UBE2E2: variants seen among roughly 807,000 people sequenced by gnomAD.
The protein encoded by UBE2E2 is ubiquitin conjugating enzyme E2 E2.
UBE2E2 carries 6 observed loss-of-function variants against 24.7 expected under a neutral mutation model. The observed-to-expected ratio is 0.24, with a 90% CI of 0.13 to 0.48. UBE2E2 has a LOEUF of 0.48. UBE2E2 is among the 20% of genes least tolerant of loss of function. The pLI, the probability that UBE2E2 is intolerant of heterozygous loss-of-function variation, is 0.99. For missense variants in UBE2E2, 169 were observed against 245.0 expected (o/e 0.69, Z 2.07); for synonymous variants, 104 against 83.6 (o/e 1.24, Z -1.33).
intron 3 of UBE2E2, among the ~76,000 whole-genome samples, chr3:23,220,265 G>T (rs1396714523): frequency 1.3e-5 from 2 of 152,092 alleles, no homozygotes; most frequent in Non-Finnish European, 2.9e-5. Flanking sequence ...TCATGTAGGA[G>T]ATATTTGCCT....
chr3:23,429,392 A>T (rs1358079240), intron 3 of UBE2E2, among the ~76,000 whole-genome samples: 1 of 152,238 alleles, frequency 6.6e-6, no homozygotes, highest in African/African-American at 2.4e-5. Context: ...TTAACAAAAT[A>T]CTAGCAAATG....
intron 3 of UBE2E2, among the ~76,000 whole-genome samples, chr3:23,278,019 T>A (rs939264973): frequency 3.3e-5 from 5 of 152,108 alleles, no homozygotes; most frequent in African/African-American, 1.2e-4. Context: ...AAGTGAATAG[T>A]CAAATATCCA....
chr3:23,406,078 G>A (rs1697351009), intron 3 of UBE2E2, among the ~76,000 whole-genome samples: 1 of 152,234 alleles, frequency 6.6e-6, no homozygotes, highest in South Asian at 2.1e-4. Flanking sequence ...AATAGCCTGA[G>A]TATAAAACTG....
At chr3:23,269,453 A>G (rs1455590362) in intron 3 of UBE2E2, among the ~76,000 whole-genome samples, 2 of 152,224 alleles carry the variant, frequency 1.3e-5, no homozygotes, top group South Asian at 4.1e-4. Flanking sequence ...ATTGAAATAA[A>G]GAAATGTAGA....
chr3:23,571,652 A>G (rs753372665), intron 5 of UBE2E2, among the ~76,000 whole-genome samples: 6 of 151,888 alleles, frequency 4.0e-5, no homozygotes, highest in Admixed American at 1.3e-4. Context: ...TTTTTTTGCC[A>G]CTTCCTCTCT....
At chr3:23,591,925 C>T (rs926731360), downstream of UBE2E2, 2 of 152,062 alleles carry the variant, frequency 1.3e-5, no homozygotes, top group Admixed American at 1.3e-4. Context: ...TATTAAACTG[C>T]TTTTTTCCCC....
intron 3 of UBE2E2, among the ~76,000 whole-genome samples, chr3:23,470,553 A>G (rs1403407402): frequency 6.6e-6 from 1 of 152,228 alleles, no homozygotes; most frequent in Non-Finnish European, 1.5e-5. Flanking sequence ...ACAAAGAGGA[A>G]AAATCTAATT....
At chr3:23,223,090 G>A in intron 3 of UBE2E2, among the ~76,000 whole-genome samples, 1 of 131,730 alleles carries the variant, frequency 7.6e-6, no homozygotes, top group East Asian at 2.2e-4. Flanking sequence ...CGTGATCTCT[G>A]CTCACTGTAA....
chr3:23,446,358 G>C (rs1416719596), intron 3 of UBE2E2, among the ~76,000 whole-genome samples: 1 of 152,152 alleles, frequency 6.6e-6, no homozygotes, highest in African/African-American at 2.4e-5. Flanking sequence ...TGAAATGTCT[G>C]CTATGTGTAT....
chr3:23,277,062 G>T (rs1698389498), intron 3 of UBE2E2, among the ~76,000 whole-genome samples: 1 of 152,152 alleles, frequency 6.6e-6, no homozygotes, highest in Non-Finnish European at 1.5e-5. Flanking sequence ...ACCATATCAT[G>T]TATGCGTTCT....
intron 5 of UBE2E2, among the ~76,000 whole-genome samples, chr3:23,580,064 G>C (rs372378390): frequency 1.3e-5 from 2 of 152,188 alleles, no homozygotes; most frequent in Non-Finnish European, 2.9e-5. Flanking sequence ...GCTTATTATG[G>C]GTGAGCAAAG....
intron 3 of UBE2E2, among the ~76,000 whole-genome samples, chr3:23,232,753 TTTCATTTATAATCGA>T (rs1382856672): frequency 6.6e-6 from 1 of 152,218 alleles, no homozygotes; most frequent in Non-Finnish European, 1.5e-5. Context: ...GCATACATTG[TTTCATTTATAATCGA>T]TTAAGAGACA....
chr3:23,305,134 T>C (rs1699205552), intron 3 of UBE2E2, among the ~76,000 whole-genome samples: 1 of 152,212 alleles, frequency 6.6e-6, no homozygotes, highest in African/African-American at 2.4e-5. Context: ...AATTTTATCA[T>C]TGGCGACAAG....
intron 3 of UBE2E2, among the ~76,000 whole-genome samples, chr3:23,390,954 T>C (rs1471344767): frequency 2.6e-5 from 4 of 152,240 alleles, no homozygotes; most frequent in Admixed American, 6.5e-5. Context: ...AATGTAGATA[T>C]ACAAGTTTAT....
rs534314366 is a variant in UBE2E2, at chr3:23,524,629, T to C, written c.361-7925T>C. On this transcript the variant is annotated intron_variant, in intron 4 of 5. Coordinates refer to ENST00000396703, the MANE Select transcript of UBE2E2 (RefSeq NM_152653.4). ...GAACTAGAATAAGCCTTAGAAATAA[T>C]CTAAGCCTCTTGTTTTGTTAGGAAA... is the stretch of plus-strand genomic sequence containing the variant. 1.2e-3 allele frequency among the ~76,000 whole-genome samples: 187 copies of C among 152,278 alleles called. 1 individual carries two copies. The highest frequency in any genetic ancestry group is 2.1e-3 in the Non-Finnish European group (142 of 68,016).
At chr3:23,257,133 CT>C (rs780287191) in intron 3 of UBE2E2, among the ~76,000 whole-genome samples, 30 of 152,186 alleles carry the variant, frequency 2.0e-4, no homozygotes, top group Admixed American at 1.3e-4. Context: ...GTAATAAGTT[CT>C]TCTGAACCAC....
intron 3 of UBE2E2, among the ~76,000 whole-genome samples, chr3:23,325,971 G>T (rs903147786): frequency 1.3e-5 from 2 of 152,204 alleles, no homozygotes; most frequent in Non-Finnish European, 2.9e-5. Flanking sequence ...CTGAATTCAT[G>T]TTTAGGTGGT....
chr3:23,296,223 A>G (rs887510439), intron 3 of UBE2E2, among the ~76,000 whole-genome samples: 40 of 152,156 alleles, frequency 2.6e-4, no homozygotes, highest in African/African-American at 6.5e-4. Context: ...TTAAATCTCT[A>G]TTTTTTAACT....
At chr3:23,380,086 T>TA (rs10559253) in intron 3 of UBE2E2, among the ~76,000 whole-genome samples, 1,460 of 136,296 alleles carry the variant, frequency 0.011, 22 homozygotes, top group African/African-American at 0.027. Context: ...TTGATTACTG[T>TA]AAAAAAAAAA....
Sources: allele counts gnomAD v4.1 joint callset (sites outside exome capture counted in the v4.1 genomes callset), GRCh38; gene constraint gnomAD v4.1.1; transcripts MANE v1.5; gene names NCBI Gene and HGNC (gene_info 2026-07-23, HGNC 2026-07-21).